FCHSD2: variants seen among roughly 807,000 people sequenced by gnomAD.
FCHSD2 encodes the protein FCH and double SH3 domains 2.
Under a neutral mutation model 108.1 loss-of-function variants are expected in FCHSD2, and 38 were observed. That is an observed-to-expected ratio of 0.35 (90% CI 0.27 to 0.46). The LOEUF (loss-of-function observed/expected upper bound fraction) is 0.46. Ranked by LOEUF, FCHSD2 falls within the 20% of genes least tolerant of loss-of-function variation. The pLI, the probability that FCHSD2 is intolerant of heterozygous loss-of-function variation, is 1.00. For synonymous variants in FCHSD2, 279 were observed against 314.7 expected, an observed-to-expected ratio of 0.89 and a Z score of 1.20; for missense variants, 751 against 897.8, an observed-to-expected ratio of 0.84 and a Z score of 2.09.
chr11:73,101,431 A>ATTGTTG (rs528868877), intron 2 of FCHSD2, among the ~76,000 whole-genome samples: 3 of 151,820 alleles, frequency 2.0e-5, no homozygotes, highest in South Asian at 4.2e-4. Flanking sequence ...TCTTGTTGTT[A>ATTGTTG]TTGTTGTTGT....
At chr11:73,009,233 C>T (rs577591618) in intron 4 of FCHSD2, among the ~76,000 whole-genome samples, 4 of 152,200 alleles carry the variant, frequency 2.6e-5, no homozygotes, top group East Asian at 1.9e-4. Context: ...TGGTGGCTCA[C>T]GCCTGTAATC....
intron 3 of FCHSD2, among the ~76,000 whole-genome samples, chr11:73,061,292 A>G (rs1859157456): frequency 1.3e-5 from 2 of 152,226 alleles, no homozygotes; most frequent in Non-Finnish European, 2.9e-5. Flanking sequence ...TGCTTGTCGC[A>G]TGGTTTTCGC....
At chr11:72,890,893 G>A (rs1855300250) in intron 10 of FCHSD2, among the ~76,000 whole-genome samples, 1 of 151,908 alleles carries the variant, frequency 6.6e-6, no homozygotes, top group Non-Finnish European at 1.5e-5. Context: ...AGATAATTAG[G>A]AATTTTTTTT....
At chr11:72,897,574 C>T (rs908607812) in intron 10 of FCHSD2, among the ~76,000 whole-genome samples, 8 of 152,016 alleles carry the variant, frequency 5.3e-5, no homozygotes, top group African/African-American at 1.7e-4. Context: ...AGAATCAATC[C>T]CCCATGGAAA....
chr11:73,086,890 T>A (rs1333207348), intron 2 of FCHSD2, among the ~76,000 whole-genome samples: 2 of 152,144 alleles, frequency 1.3e-5, no homozygotes, highest in Admixed American at 6.5e-5. Context: ...GGAAGACAAA[T>A]CTGATATATG....
At chr11:72,851,567 C>T (rs1014218226) in intron 13 of FCHSD2, among the ~76,000 whole-genome samples, 2 of 151,956 alleles carry the variant, frequency 1.3e-5, no homozygotes, top group Non-Finnish European at 2.9e-5. Context: ...GGTGAAACCC[C>T]ATCTCTATTA....
chr11:72,928,944 T>C (rs978335529), intron 8 of FCHSD2, among the ~76,000 whole-genome samples: 2 of 149,476 alleles, frequency 1.3e-5, no homozygotes, highest in African/African-American at 4.9e-5. Flanking sequence ...CATTGTTCAA[T>C]TCCCACCTAT....
chr11:72,901,799 C>A (rs1855531075), intron 10 of FCHSD2, among the ~76,000 whole-genome samples: 1 of 151,938 alleles, frequency 6.6e-6, no homozygotes, highest in South Asian at 2.1e-4. Flanking sequence ...GGCCTATAAT[C>A]TTTTATAAGA....
chr11:73,054,982 A>G (rs963409040), intron 3 of FCHSD2, among the ~76,000 whole-genome samples: 1 of 152,192 alleles, frequency 6.6e-6, no homozygotes, highest in Non-Finnish European at 1.5e-5. Flanking sequence ...GTTTATAAAA[A>G]GAGGTTTAAT....
Position 72,940,536 on chromosome 11 carries a change from G to C in FCHSD2, c.706-18586C>G, listed in dbSNP as rs555000641. 23 of 968,620 alleles carry C rather than the reference G, an allele frequency of 2.4e-5. No homozygotes were observed. In the East Asian group the frequency reaches 4.8e-4, roughly 20 times the overall value. 60.0% of individuals were successfully genotyped at this position (968,620 alleles called of 1,614,324 possible). A position where few individuals can be genotyped will look rare whatever the true frequency, so the allele number is the denominator to read the frequency against. On this transcript the variant is annotated intron_variant, in intron 8 of 19. Coordinates refer to ENST00000409418, the MANE Select transcript of FCHSD2 (RefSeq NM_014824.3). The stretch of plus-strand genomic sequence containing the variant: ...CGCACATCCAGGAGCTATGGAGAAA[G>C]AAGTAGTCTCATGTCATGCGCTTTC...
chr11:73,137,638 T>C (rs1191622450), intron 2 of FCHSD2, among the ~76,000 whole-genome samples: 3 of 152,118 alleles, frequency 2.0e-5, no homozygotes, highest in Non-Finnish European at 4.4e-5. Flanking sequence ...AAAATCAAAA[T>C]CCTTTGAGAT....
At chr11:72,871,508 T>C (rs1034670159) in intron 12 of FCHSD2, among the ~76,000 whole-genome samples, 26 of 151,960 alleles carry the variant, frequency 1.7e-4, no homozygotes, top group African/African-American at 4.6e-4. Context: ...AAGCTAATTT[T>C]AGGTTAAGTA....
intron 2 of FCHSD2, among the ~76,000 whole-genome samples, chr11:73,127,029 C>T (rs1860875689): frequency 6.6e-6 from 1 of 152,190 alleles, no homozygotes; most frequent in Admixed American, 6.5e-5. Flanking sequence ...GAATAAGACT[C>T]TGTCTCAAAA....
chr11:73,005,955 C>A (rs1857731649), intron 4 of FCHSD2, among the ~76,000 whole-genome samples: 1 of 146,068 alleles, frequency 6.8e-6, no homozygotes, highest in South Asian at 2.1e-4. Context: ...GTTGCTCAGG[C>A]TGGAGTGCAT....
chr11:72,930,625 G>A (rs1161059285), intron 8 of FCHSD2, among the ~76,000 whole-genome samples: 1 of 152,100 alleles, frequency 6.6e-6, no homozygotes, highest in African/African-American at 2.4e-5. Flanking sequence ...CCCATCCGTA[G>A]TCCCAATTAT....
chr11:72,867,717 C>T (rs1591355664), intron 13 of FCHSD2, 148 bp downstream of exon 13: 1 of 612,252 alleles, frequency 1.6e-6, no homozygotes, highest in Non-Finnish European at 2.7e-6. Context: ...AATTTTAAAT[C>T]AATTAGTGAT....
Position 72,867,924 on chromosome 11 carries a change from G to C in FCHSD2, c.1249C>G (p.Leu417Val). ...KSAMNQVMEE[L>V]ENERWARPPA... is the part of the protein sequence containing the mutation. ...GGGCGGGCCCATCGCTCATTTTCCA[G>C]TTCTTCCATTACTTGGTTCATGGCA... is the stretch of plus-strand genomic sequence containing the variant. The change falls in exon 13 of 20, where the codon CTG becomes GTG. Residue 417 changes from leucine to valine, a missense_variant. Leu to Val is a conservative substitution (Grantham distance 32). Coordinates refer to ENST00000409418, the MANE Select transcript of FCHSD2 (RefSeq NM_014824.3). 6.2e-7 allele frequency: 1 copy of C among 1,610,634 alleles called. No homozygotes were observed. The highest frequency in any genetic ancestry group is 8.5e-7 in the Non-Finnish European group (1 of 1,178,634).
At position 72,843,575 on chromosome 11, in the gene FCHSD2, T is replaced by C. The variant is rs146830265; in HGVS notation, c.1444-43A>G. On this transcript the variant is annotated intron_variant, in intron 14 of 19. Transcript: ENST00000409418. ...CATGGACAAAATTAAAAAGGTTAGA[T>C]AAGGAGCAGATGTGAGCTGATCATG... 36 of 1,412,784 alleles carry C rather than the reference T, an allele frequency of 2.5e-5. 1 individual carries two copies. The highest frequency in any genetic ancestry group is 1.8e-4 in the Middle Eastern group (1 of 5,408). The allele number at this position is 1,412,784 out of a possible 1,614,324, so 87.5% of individuals were successfully genotyped here. A position where few individuals can be genotyped will look rare whatever the true frequency, so the allele number is the denominator to read the frequency against.
At chr11:72,900,193 C>T in intron 10 of FCHSD2, 1 of 1,193,124 alleles carries the variant, frequency 8.4e-7, no homozygotes, top group Non-Finnish European at 1.2e-6. Flanking sequence ...CCAGGTCCCA[C>T]CCTTCATTAA....
Sources: gnomAD v4.1 joint callset for allele counts (sites outside exome capture counted in the v4.1 genomes callset) on GRCh38, gnomAD v4.1.1 for gene constraint, MANE v1.5 for transcripts, NCBI Gene and HGNC (gene_info 2026-07-23, HGNC 2026-07-21) for gene names.